The following TPM1 variants were observed in gnomAD, a reference collection of about 807,000 sequenced individuals.
TPM1 encodes the protein tropomyosin 1, also known as tropomyosin alpha-1 chain.
In TPM1, 24 loss-of-function variants were observed where a neutral mutation model predicts 42.9. The ratio of observed to expected loss-of-function variants is 0.56; its 90% CI spans 0.41 to 0.79. The LOEUF is 0.79. Among genes scored for constraint, TPM1 ranks in the 30% least tolerant of loss-of-function variants. The pLI, the probability that TPM1 is intolerant of heterozygous loss-of-function variation, is 0.00. For missense variants in TPM1, 158 were observed against 351.8 expected (o/e 0.45, Z 4.41); for synonymous variants, 136 against 130.1 (o/e 1.05, Z -0.31).
At chr15:63,060,823 A>C in intron 4 of TPM1, 46 bp from the exon 5 acceptor site, 1 of 1,611,478 alleles carries the variant, frequency 6.2e-7, no homozygotes. Context: ...CTGTTACACA[A>C]AGCTTGCAAG....
chr15:63,044,320 C>T, intron 2 of TPM1, 168 bp downstream of exon 2: 1 of 919,178 alleles, frequency 1.1e-6, no homozygotes, highest in South Asian at 1.4e-5. Flanking sequence ...TGCTACTGCA[C>T]ACATTCATTT....
At chr15:63,051,976 C>T (rs1186324173) in intron 2 of TPM1, among the ~76,000 whole-genome samples, 2 of 147,192 alleles carry the variant, frequency 1.4e-5, no homozygotes, top group Non-Finnish European at 3.0e-5. Context: ...CTATATAGTA[C>T]CATGTTGGGG....
intron 2 of TPM1, chr15:63,047,655 G>A (rs76273871): frequency 0.075 from 11,456 of 152,352 alleles, 652 homozygotes; most frequent in East Asian, 0.17. Flanking sequence ...CCCCAGGGAG[G>A]CTGGCCTGAG....
Position 63,044,162 on chromosome 15 carries a change from C to CGCT in TPM1, c.240+11_240+13dup, listed in dbSNP as rs1566937885. 3.1e-6 allele frequency: 5 copies of CGCT among 1,614,186 alleles called. No individual in the cohort carries two copies. The highest frequency in any genetic ancestry group is 4.2e-6 in the Non-Finnish European group (5 of 1,180,038). On this transcript the variant is annotated intron_variant, in intron 2 of 9. Transcript: ENST00000403994. ...GAAAAAGGCCACCGATGTAAGTGCA[C>CGCT]GCTCACACTGCTTCCCTCACCTCTT...
chr15:63,048,711 A>C, intron 2 of TPM1: 1 of 1,537,338 alleles, frequency 6.5e-7, no homozygotes. Context: ...GGAGACCGTA[A>C]GGGATACACC....
At chr15:63,065,046 A>G (rs1377655224) in intron 9 of TPM1, 1 of 985,302 alleles carries the variant, frequency 1.0e-6, no homozygotes, top group African/African-American at 1.7e-5. Flanking sequence ...TATGAAAGGA[A>G]TTAAAATACC....
downstream of TPM1, chr15:63,070,158 G>A (rs1595697656): frequency 1.4e-6 from 2 of 1,392,110 alleles, no homozygotes; most frequent in Middle Eastern, 2.8e-4. Context: ...AGCTTTTATG[G>A]TAGAATACTT....
intron 9 of TPM1, 44 bp downstream of exon 9, chr15:63,064,186 C>T (rs191558659): frequency 6.3e-7 from 1 of 1,599,146 alleles, no homozygotes; most frequent in Non-Finnish European, 8.5e-7. Context: ...TGCCCTCATG[C>T]TAATGTAATA....
At chr15:63,061,526 C>A in intron 5 of TPM1, 187 bp from the exon 6 acceptor site, 1 of 733,086 alleles carries the variant, frequency 1.4e-6, no homozygotes, top group Non-Finnish European at 2.4e-6. Context: ...CTGCCTTCTG[C>A]TGTTGCGAGG....
intron 2 of TPM1, chr15:63,048,767 G>A (rs2033115639): frequency 6.6e-7 from 1 of 1,512,780 alleles, no homozygotes. Flanking sequence ...GGGCAGCCCC[G>A]CAGGGCCCTC....
intron 8 of TPM1, 184 bp from the exon 9 acceptor site, chr15:63,063,880 T>A: frequency 1.4e-6 from 1 of 716,140 alleles, no homozygotes; most frequent in Admixed American, 3.1e-5. Context: ...TGTTTTTGTT[T>A]CAATTTACTT....
chr15:63,059,859 G>A (rs2035363101), intron 4 of TPM1, 179 bp downstream of exon 4: 2 of 475,776 alleles, frequency 4.2e-6, no homozygotes, highest in Non-Finnish European at 8.0e-6. Context: ...ATCCTGCTAG[G>A]GGATCCCAGG....
intron 3 of TPM1, among the ~76,000 whole-genome samples, chr15:63,059,217 A>C (rs767139694): frequency 5.3e-5 from 8 of 152,314 alleles, no homozygotes; most frequent in Non-Finnish European, 8.8e-5. Flanking sequence ...AAGAAATCTC[A>C]TTATCTTTTT....
downstream of TPM1, among the ~76,000 whole-genome samples, chr15:63,067,290 T>A (rs1318263463): frequency 6.6e-6 from 1 of 152,232 alleles, no homozygotes; most frequent in Non-Finnish European, 1.5e-5. Flanking sequence ...TTAAAGTATT[T>A]TAGTCATAGT....
intron 2 of TPM1, chr15:63,048,732 C>A: frequency 6.5e-7 from 1 of 1,530,152 alleles, no homozygotes; most frequent in Non-Finnish European, 8.8e-7. Context: ...CATCACCCCG[C>A]AGCCCCCAGA....
chr15:63,060,777 G>A, intron 4 of TPM1, 92 bp from the exon 5 acceptor site: 1 of 1,389,358 alleles, frequency 7.2e-7, no homozygotes, highest in South Asian at 1.2e-5. Flanking sequence ...AAACCCTTAG[G>A]GCCTGATGGG....
At chr15:63,056,819 T>C in intron 2 of TPM1, 166 bp from the exon 3 acceptor site, 1 of 836,004 alleles carries the variant, frequency 1.2e-6, no homozygotes, top group Non-Finnish European at 2.0e-6. Flanking sequence ...AATGTGTAAA[T>C]GTGTCCGAGA....
At chr15:63,043,963 C>T (rs1399962256) in intron 1 of TPM1, 64 bp from the exon 2 acceptor site, 14 of 1,579,528 alleles carry the variant, frequency 8.9e-6, no homozygotes, top group Non-Finnish European at 1.1e-5. Context: ...CACACCCCTC[C>T]CCTTCGGGAT....
chr15:63,048,788 C>T (rs973494390), intron 2 of TPM1: 2 of 1,489,664 alleles, frequency 1.3e-6, no homozygotes, highest in African/African-American at 2.9e-5. Context: ...CTGCTTCCCC[C>T]CCCGCAGGCC....
Sources: allele counts gnomAD v4.1 joint callset (sites outside exome capture counted in the v4.1 genomes callset), GRCh38; gene constraint gnomAD v4.1.1; transcripts MANE v1.5; gene names NCBI Gene and HGNC (gene_info 2026-07-23, HGNC 2026-07-21).